Variants in REPS2 observed in about 807,000 individuals in gnomAD.
REPS2 encodes RALBP1 associated Eps domain containing 2.
A neutral mutation model predicts 53.6 loss-of-function variants in REPS2; 23 were observed. The ratio of observed to expected loss-of-function variants is 0.43; its 90% CI spans 0.31 to 0.61. The LOEUF (loss-of-function observed/expected upper bound fraction) is 0.61. REPS2 is among the 20% of genes least tolerant of loss of function. The pLI, the probability that REPS2 is intolerant of heterozygous loss-of-function variation, is 0.11. For synonymous variants in REPS2, 238 were observed against 218.6 expected (o/e 1.09, Z -0.78); for missense variants, 446 against 534.9 (o/e 0.83, Z 1.64).
intron 14 of REPS2, among the ~76,000 whole-genome samples, chrX:17,111,502 G>A (rs1379105534): frequency 8.9e-6 from 1 of 112,344 alleles, no homozygotes; most frequent in Non-Finnish European, 1.9e-5. Flanking sequence ...GTGTTACTTT[G>A]TTCTGTCCTA....
chrX:17,021,706 AGTT>A (rs757456060), intron 2 of REPS2, among the ~76,000 whole-genome samples: 1 of 112,408 alleles, frequency 8.9e-6, no homozygotes, highest in South Asian at 3.7e-4. Flanking sequence ...TATCATACAG[AGTT>A]GTTGTGAGGA....
intron 7 of REPS2, among the ~76,000 whole-genome samples, chrX:17,053,829 C>T (rs1375196131): frequency 8.9e-6 from 1 of 111,962 alleles, no homozygotes; most frequent in African/African-American, 3.2e-5. Flanking sequence ...TTCCTGACCC[C>T]TCACTCTGGG....
At chrX:17,025,751 G>C (rs1488330413) in intron 4 of REPS2, among the ~76,000 whole-genome samples, 1 of 111,540 alleles carries the variant, frequency 9.0e-6, no homozygotes, top group Non-Finnish European at 1.9e-5. Flanking sequence ...TTTATGCTCT[G>C]CTGGCCTCGT....
At chrX:17,101,694 A>C (rs891330839) in intron 13 of REPS2, among the ~76,000 whole-genome samples, 1 of 112,407 alleles carries the variant, frequency 8.9e-6, no homozygotes, top group East Asian at 2.8e-4. Flanking sequence ...ACTGTTTCTA[A>C]TAACTCTCAA....
chrX:16,981,498 C>T (rs1347548213), intron 1 of REPS2, among the ~76,000 whole-genome samples: 1 of 112,946 alleles, frequency 8.9e-6, no homozygotes, highest in African/African-American at 3.2e-5. Flanking sequence ...TAGCAGAATG[C>T]TGAAGGAGCA....
At chrX:17,001,539 T>C (rs906355848) in intron 1 of REPS2, among the ~76,000 whole-genome samples, 1 of 112,176 alleles carries the variant, frequency 8.9e-6, no homozygotes, top group Non-Finnish European at 1.9e-5. Context: ...TGTTCTAGAT[T>C]AGGGGGAGAC....
chrX:17,050,627 G>A (rs2061989589), intron 6 of REPS2, among the ~76,000 whole-genome samples: 2 of 111,160 alleles, frequency 1.8e-5, no homozygotes, highest in South Asian at 7.5e-4. Flanking sequence ...TTCTCAGAAC[G>A]TATCCCTTTT....
chrX:17,183,470 A>G, the REPS2 span, among the ~76,000 whole-genome samples: 1 of 112,424 alleles, frequency 8.9e-6, no homozygotes, highest in Non-Finnish European at 1.9e-5. Context: ...CAGTGACCTA[A>G]AGTTTATTAG....
chrX:17,119,506 G>A, intron 14 of REPS2, among the ~76,000 whole-genome samples: 1 of 111,984 alleles, frequency 8.9e-6, no homozygotes, highest in Non-Finnish European at 1.9e-5. Flanking sequence ...GATGTTAACG[G>A]AATGTGCTCA....
intron 4 of REPS2, among the ~76,000 whole-genome samples, chrX:17,027,729 C>G (rs1250510929): frequency 1.1e-5 from 1 of 92,774 alleles, no homozygotes; most frequent in African/African-American, 4.2e-5. Context: ...TCTTATTAAA[C>G]CTCTTGTAAG....
At position 17,145,019 on chromosome X, in the gene REPS2, A is replaced by G. The variant is rs897379856; in HGVS notation, c.1915-2394A>G. Among the ~76,000 whole-genome samples, 16 of 112,010 alleles carry G rather than the reference A, an allele frequency of 1.4e-4. No individual in the cohort carries two copies. The Admixed American group carries it at 1.5e-3, about 11-fold the overall frequency. ...AGCTCTGGAATGGCATGCTTGGAAT[A>G]GACATACTCAGCAGCTGGCAGAATT... On this transcript the variant is annotated intron_variant, in intron 17 of 17. Transcript: ENST00000357277.
intron 1 of REPS2, among the ~76,000 whole-genome samples, chrX:17,002,782 A>G (rs754214583): frequency 1.8e-5 from 2 of 111,997 alleles, no homozygotes; most frequent in African/African-American, 3.2e-5. Context: ...CTCCTGGGCT[A>G]TGAGGGCTAG....
intron 13 of REPS2, among the ~76,000 whole-genome samples, chrX:17,100,749 A>C (rs761883661): frequency 7.6e-4 from 85 of 111,926 alleles, no homozygotes; most frequent in Non-Finnish European, 1.3e-3. Context: ...AACGTGGCAA[A>C]GGTACTGAAA....
At chrX:16,961,322 A>G (rs1485992201) in intron 1 of REPS2, among the ~76,000 whole-genome samples, 1 of 111,990 alleles carries the variant, frequency 8.9e-6, no homozygotes, top group African/African-American at 3.2e-5. Flanking sequence ...AAGTATATAC[A>G]GTCAACTAAT....
At chrX:16,958,980 A>T (rs1044887216) in intron 1 of REPS2, among the ~76,000 whole-genome samples, 4 of 112,393 alleles carry the variant, frequency 3.6e-5, no homozygotes, top group African/African-American at 1.3e-4. Flanking sequence ...TCCATGAAGG[A>T]GAAGAGAGGG....
chrX:17,014,516 C>T, intron 2 of REPS2, among the ~76,000 whole-genome samples: 1 of 111,818 alleles, frequency 8.9e-6, no homozygotes, highest in Non-Finnish European at 1.9e-5. Context: ...GCTTTGATTA[C>T]TCAGGCCTGG....
In REPS2 at chrX:16,951,540, CACACACACACACACACACA is replaced by C. The variant is rs1416610587; in HGVS notation, c.273+4407_273+4425del. Among the ~76,000 whole-genome samples, 10 of 54,856 alleles carry C rather than the reference CACACACACACACACACACA, an allele frequency of 1.8e-4. No individual in the cohort carries two copies. In the East Asian group the frequency reaches 0.01, roughly 57 times the overall value. 47.6% of individuals were successfully genotyped at this position (54,856 alleles called of 115,157 possible). ...ACACACACACACACACACACACACA[CACACACACACACACACACA>C]CCCCCGCTACCTACCTCTCTCTGGG... is the stretch of plus-strand genomic sequence containing the variant. On this transcript the variant is annotated intron_variant, in intron 1 of 17. Transcript: ENST00000357277.
intron 1 of REPS2, among the ~76,000 whole-genome samples, chrX:16,971,302 T>C (rs908491247): frequency 1.8e-5 from 2 of 112,548 alleles, no homozygotes; most frequent in Admixed American, 1.9e-4. Context: ...TTTAGAGAAA[T>C]GTGTATTTAG....
intron 14 of REPS2, among the ~76,000 whole-genome samples, chrX:17,128,473 C>T (rs1015897887): frequency 1.8e-5 from 2 of 111,179 alleles, no homozygotes; most frequent in Admixed American, 1.9e-4. Flanking sequence ...GCTGTGAGTC[C>T]TCAGTAGCTA....
Sources: gnomAD v4.1 joint callset for allele counts (sites outside exome capture counted in the v4.1 genomes callset) on GRCh38, gnomAD v4.1.1 for gene constraint, MANE v1.5 for transcripts, NCBI Gene and HGNC (gene_info 2026-07-23, HGNC 2026-07-21) for gene names.